Variants in IL33 observed in about 807,000 individuals in gnomAD.
IL33 encodes the protein interleukin-33.
In IL33, 37 loss-of-function variants were observed where a neutral mutation model predicts 27.3. That is an observed-to-expected ratio of 1.36 (90% CI 1.04 to 1.78). IL33 has a LOEUF of 1.78. IL33 is among the 40% of genes most tolerant of loss of function. The pLI, the probability that IL33 is intolerant of heterozygous loss-of-function variation, is 0.00. For synonymous variants in IL33, 132 were observed against 102.9 expected, an observed-to-expected ratio of 1.28 and a Z score of -1.71; for missense variants, 406 against 311.4, an observed-to-expected ratio of 1.30 and a Z score of -2.29.
rs59919340 is a variant in IL33 at position 6,228,860 on chromosome 9, A to AG, written c.-11-12824_-11-12823insG. 2.7e-5 allele frequency among the ~76,000 whole-genome samples: 4 copies of AG among 150,812 alleles called. No individual in the cohort carries two copies. In the East Asian group the frequency reaches 7.8e-4, roughly 29 times the overall value. ...AAACACTGACTCAAAAAAAAAAAAA[A>AG]TCAGCTTTCAGATATTTGGGTACTA... On this transcript the variant is annotated intron_variant, in intron 1 of 7. Transcript: ENST00000682010.
chr9:6,254,580 T>G, intron 7 of IL33, 27 bp downstream of exon 7: 4 of 1,311,104 alleles, frequency 3.1e-6, no homozygotes. Flanking sequence ...TATCTATATC[T>G]ATATATATGA....
chr9:6,254,325 A>G, intron 6 of IL33, 137 bp from the exon 7 acceptor site: 1 of 501,458 alleles, frequency 2.0e-6, no homozygotes, highest in Non-Finnish European at 3.5e-6. Context: ...GGGTACAAAT[A>G]CTTCTAAGAT....
intron 1 of IL33, among the ~76,000 whole-genome samples, chr9:6,223,405 A>T (rs987839941): frequency 6.6e-6 from 1 of 151,890 alleles, no homozygotes; most frequent in Non-Finnish European, 1.5e-5. Flanking sequence ...TCAAAGAGTT[A>T]CTTATAAGTT....
intron 1 of IL33, among the ~76,000 whole-genome samples, chr9:6,239,376 G>A (rs192378720): frequency 4.4e-4 from 67 of 152,192 alleles, no homozygotes; most frequent in African/African-American, 1.5e-3. Context: ...TCCCCAACAC[G>A]TGCACAGTAA....
chr9:6,251,322 C>A (rs562060857), intron 4 of IL33, 57 bp downstream of exon 4: 1 of 1,598,972 alleles, frequency 6.3e-7, no homozygotes, highest in East Asian at 2.3e-5. Context: ...ACACAGGACC[C>A]CGGAAAGTGC....
chr9:6,222,567 A>G (rs1302696341), intron 1 of IL33, among the ~76,000 whole-genome samples: 1 of 152,230 alleles, frequency 6.6e-6, no homozygotes, highest in Non-Finnish European at 1.5e-5. Flanking sequence ...TTCAATAAGC[A>G]TATCTCAAAC....
At chr9:6,250,111 T>C (rs75855578) in intron 2 of IL33, among the ~76,000 whole-genome samples, 3,718 of 152,254 alleles carry the variant, frequency 0.024, 151 homozygotes, top group African/African-American at 0.086. Flanking sequence ...TCAGAACTTA[T>C]TTGACAGCAA....
At chr9:6,239,763 T>G (rs895747997) in intron 1 of IL33, among the ~76,000 whole-genome samples, 1 of 152,182 alleles carries the variant, frequency 6.6e-6, no homozygotes, top group Non-Finnish European at 1.5e-5. Flanking sequence ...CTATCATTCC[T>G]TCTGTAATGA....
intron 1 of IL33, among the ~76,000 whole-genome samples, chr9:6,229,275 C>A (rs896412380): frequency 6.6e-6 from 1 of 152,112 alleles, no homozygotes; most frequent in Non-Finnish European, 1.5e-5. Context: ...AAGGGGATGC[C>A]AATCTACCTT....
At chr9:6,217,728 C>T (rs1463158980) in intron 1 of IL33, among the ~76,000 whole-genome samples, 1 of 152,162 alleles carries the variant, frequency 6.6e-6, no homozygotes, top group Non-Finnish European at 1.5e-5. Context: ...TCCTTGCTTT[C>T]TGCCTCCTCA....
chr9:6,241,315 T>C (rs1819513400), intron 1 of IL33, among the ~76,000 whole-genome samples: 2 of 152,246 alleles, frequency 1.3e-5, no homozygotes, highest in Admixed American at 1.3e-4. Context: ...GTATGTGCTA[T>C]ACTTTTATAC....
chr9:6,255,215 A>T (rs1816655440), intron 7 of IL33, among the ~76,000 whole-genome samples: 1 of 152,182 alleles, frequency 6.6e-6, no homozygotes, highest in Non-Finnish European at 1.5e-5. Flanking sequence ...GCATGGAAGA[A>T]AACAGAAGAG....
chr9:6,227,751 A>G (rs1818707719), intron 1 of IL33, among the ~76,000 whole-genome samples: 1 of 152,134 alleles, frequency 6.6e-6, no homozygotes, highest in Non-Finnish European at 1.5e-5. Flanking sequence ...CCCTCCTTAC[A>G]AGGTCAAATA....
At chr9:6,231,993 A>G (rs1004856734) in intron 1 of IL33, among the ~76,000 whole-genome samples, 4 of 152,240 alleles carry the variant, frequency 2.6e-5, no homozygotes, top group African/African-American at 9.6e-5. Flanking sequence ...TGATTAAATG[A>G]ATTTATTTTG....
In IL33 at chr9:6,241,779, CT is replaced by C. The variant is rs1564063799; in HGVS notation, c.86del (p.Leu29ArgfsTer17). 6.2e-7 allele frequency: 1 copy of C among 1,607,556 alleles called. No homozygotes were observed. The highest frequency in any genetic ancestry group is 1.3e-5 in the African/African-American group (1 of 74,760). On this transcript the variant is annotated frameshift_variant, in exon 2 of 8. Transcript: ENST00000682010. LOFTEE classifies it high-confidence loss of function. ...AGCAAGCAAAGCCTTGTGTTTCAAG[CT>C]GGGAAGTAAGGACTTAAGTTATCTC... The part of the protein sequence containing the change: ...NTASKALCFK[L>X]GKSQQKAKEV...
At position 6,256,066 on chromosome 9, in the gene IL33, A is replaced by G. The variant is rs995464089; in HGVS notation, c.711A>G (p.Gly237=). The change falls in exon 8 of 8, where the codon GGA becomes GGG. Residue 237 remains glycine, a synonymous_variant. Coordinates refer to ENST00000682010, the MANE Select transcript of IL33 (RefSeq NM_033439.4). ...CATTTGAATGCAAGACTGATCCTGGAGTGTTTATAGGTGTAAAGGATAATC... is the reference window on the plus strand; with the variant it reads ...CATTTGAATGCAAGACTGATCCTGGGGTGTTTATAGGTGTAAAGGATAATC... ...CVSFECKTDP[G]VFIGVKDNHL... 3.0e-5 allele frequency: 49 copies of G among 1,613,000 alleles called. No homozygotes were observed. The highest frequency in any genetic ancestry group is 4.2e-5 in the Non-Finnish European group (49 of 1,179,184).
At chr9:6,238,304 C>G (rs565411650) in intron 1 of IL33, among the ~76,000 whole-genome samples, 1 of 152,256 alleles carries the variant, frequency 6.6e-6, no homozygotes, top group South Asian at 2.1e-4. Context: ...TGCTTCTAAG[C>G]ATTCTTGACC....
chr9:6,234,799 A>G (rs1160825975), intron 1 of IL33, among the ~76,000 whole-genome samples: 1 of 152,180 alleles, frequency 6.6e-6, no homozygotes, highest in African/African-American at 2.4e-5. Context: ...TCACACAGAC[A>G]TAAAATTATA....
intron 1 of IL33, among the ~76,000 whole-genome samples, chr9:6,220,599 A>G (rs1818365993): frequency 6.6e-6 from 1 of 152,098 alleles, no homozygotes; most frequent in African/African-American, 2.4e-5. Context: ...TCAAATCTGA[A>G]TTTATTAGTT....
Sources: allele counts gnomAD v4.1 joint callset (sites outside exome capture counted in the v4.1 genomes callset), GRCh38; gene constraint gnomAD v4.1.1; transcripts MANE v1.5; gene names NCBI Gene and HGNC (gene_info 2026-07-23, HGNC 2026-07-21).